The following TRAPPC8 variants were observed in gnomAD, a reference collection of about 807,000 sequenced individuals.
The protein encoded by TRAPPC8 is general sporulation gene 1 homolog.
In TRAPPC8, 54 loss-of-function variants were observed where a neutral mutation model predicts 174.3. The ratio of observed to expected loss-of-function variants is 0.31; its 90% CI spans 0.25 to 0.39. TRAPPC8 has a LOEUF of 0.39. Ranked by LOEUF, TRAPPC8 falls within the 10% of genes least tolerant of loss-of-function variation. The pLI is 1.00. For missense variants in TRAPPC8, 1,531 were observed against 1,699.1 expected, an observed-to-expected ratio of 0.90 and a Z score of 1.74; for synonymous variants, 630 against 579.9, an observed-to-expected ratio of 1.09 and a Z score of -1.24.
chr18:31,889,925 GCA>G (rs2145351004), intron 12 of TRAPPC8, among the ~76,000 whole-genome samples: 1 of 152,232 alleles, frequency 6.6e-6, no homozygotes, highest in South Asian at 2.1e-4. Flanking sequence ...GCTTTGGTTA[GCA>G]CAGACTTAGA....
In TRAPPC8 at chr18:31,942,653, T is replaced by C. The variant is rs776164593; in HGVS notation, c.112A>G (p.Ser38Gly). 3.1e-6 allele frequency: 5 copies of C among 1,611,238 alleles called. No homozygotes were observed. Among genetic ancestry groups the C allele is most frequent in the Non-Finnish European group, 4.2e-6 (5 of 1,178,782 alleles). The change falls in exon 1 of 29, where the codon AGC becomes GGC. Residue 38 changes from serine to glycine, a missense_variant. Ser to Gly is a moderately conservative substitution (Grantham distance 56). Coordinates refer to ENST00000283351, the MANE Select transcript of TRAPPC8 (RefSeq NM_014939.5). ...AERLTRLNHL[S>G]FAELLKPFSR... ...AAGGGCTTAAGCAGCTCCGCGAAGC[T>C]GAGGTGATTGAGACGAGTGAGCCGC... is the stretch of plus-strand genomic sequence containing the variant.
chr18:31,896,715 T>C (rs932479774), intron 11 of TRAPPC8, among the ~76,000 whole-genome samples: 3 of 152,166 alleles, frequency 2.0e-5, no homozygotes, highest in East Asian at 1.9e-4. Flanking sequence ...AACCTCCACC[T>C]TGTGCTCAAG....
At chr18:31,935,359 C>CCAAAA (rs1289122198) in intron 1 of TRAPPC8, among the ~76,000 whole-genome samples, 1 of 2,338 alleles carries the variant, frequency 4.3e-4, no homozygotes, top group Non-Finnish European at 8.7e-4. Context: ...AACAAACAAA[C>CCAAAA]AAACCAAAAA....
Position 31,901,162 on chromosome 18 carries a change from C to T in TRAPPC8, c.1390-137G>A, listed in dbSNP as rs1047628642. 2.8e-5 allele frequency: 18 copies of T among 649,934 alleles called. No homozygotes were observed. In the Admixed American group the frequency reaches 4.5e-4, roughly 16 times the overall value. 40.3% of individuals were successfully genotyped at this position (649,934 alleles called of 1,614,324 possible). A position where few individuals can be genotyped will look rare whatever the true frequency, so the allele number is the denominator to read the frequency against. On this transcript the variant is annotated intron_variant, in intron 9 of 28. Transcript: ENST00000283351. The stretch of plus-strand genomic sequence containing the variant: ...CATGTATAAACTTCATAGCCTAATG[C>T]AGACTTGAAAAACACATTTGTAGCC...
intron 1 of TRAPPC8, 63 bp from the exon 2 acceptor site, chr18:31,931,586 T>A: frequency 7.8e-7 from 1 of 1,283,552 alleles, no homozygotes; most frequent in Non-Finnish European, 1.0e-6. Context: ...AACCCAAAAT[T>A]GGGCTGATGG....
intron 12 of TRAPPC8, among the ~76,000 whole-genome samples, chr18:31,876,196 C>A (rs1389020290): frequency 6.6e-6 from 1 of 151,878 alleles, no homozygotes; most frequent in Non-Finnish European, 1.5e-5. Flanking sequence ...GTATTTTCTT[C>A]AAGATCGCTT....
At chr18:31,919,477 G>C (rs527332281) in intron 2 of TRAPPC8, among the ~76,000 whole-genome samples, 2 of 151,486 alleles carry the variant, frequency 1.3e-5, no homozygotes, top group African/African-American at 4.8e-5. Flanking sequence ...AGGTTGCTGT[G>C]AGCTGAGATG....
intron 9 of TRAPPC8, among the ~76,000 whole-genome samples, chr18:31,905,217 G>C (rs2036607740): frequency 1.3e-5 from 2 of 152,246 alleles, no homozygotes; most frequent in South Asian, 4.2e-4. Flanking sequence ...TAAGGGAAGT[G>C]ATATCAGTTC....
chr18:31,839,509 A>T, intron 26 of TRAPPC8, 52 bp from the exon 27 acceptor site: 1 of 1,482,150 alleles, frequency 6.7e-7, no homozygotes, highest in Admixed American at 2.4e-5. Flanking sequence ...CCTTGTTTAA[A>T]AAAAAAAAAA....
intron 25 of TRAPPC8, among the ~76,000 whole-genome samples, chr18:31,848,850 G>A (rs2033552465): frequency 6.6e-6 from 1 of 152,142 alleles, no homozygotes; most frequent in Non-Finnish European, 1.5e-5. Context: ...TAAGAATTAA[G>A]ACTCCTTTGC....
At chr18:31,880,109 ATATATATATATATTTT>A (rs2035363188) in intron 12 of TRAPPC8, among the ~76,000 whole-genome samples, 1 of 92,878 alleles carries the variant, frequency 1.1e-5, no homozygotes, top group African/African-American at 4.4e-5. Context: ...ATATATATAT[ATATATATATATATTTT>A]TTTTTTTTTA....
rs555032086 is a variant in TRAPPC8 at position 31,836,262 on chromosome 18, C to T, written c.3983+3050G>A. On this transcript the variant is annotated intron_variant, in intron 27 of 28. Coordinates refer to ENST00000283351, the MANE Select transcript of TRAPPC8 (RefSeq NM_014939.5). ...AACATGCAGCCAAGGAGAAAACTGC[C>T]ACATTTTATCCTTGAACCTGCCTTG... is the stretch of plus-strand genomic sequence containing the variant. Among the ~76,000 whole-genome samples, 5 of 152,262 alleles carry T rather than the reference C, an allele frequency of 3.3e-5. No individual in the cohort carries two copies. The South Asian group carries it at 1.0e-3, about 32-fold the overall frequency.
chr18:31,888,867 T>C (rs1006120356), intron 12 of TRAPPC8, among the ~76,000 whole-genome samples: 1 of 152,168 alleles, frequency 6.6e-6, no homozygotes, highest in Non-Finnish European at 1.5e-5. Context: ...TGGCACACGT[T>C]TACCTATGTA....
intron 2 of TRAPPC8, among the ~76,000 whole-genome samples, chr18:31,920,215 C>A (rs1224359327): frequency 6.6e-6 from 1 of 152,118 alleles, no homozygotes; most frequent in Non-Finnish European, 1.5e-5. Context: ...AAACAAATGA[C>A]AGATAAATTA....
At chr18:31,940,784 A>G (rs2038300966) in intron 1 of TRAPPC8, among the ~76,000 whole-genome samples, 1 of 152,066 alleles carries the variant, frequency 6.6e-6, no homozygotes, top group South Asian at 2.1e-4. Flanking sequence ...AGCGTGAGCC[A>G]CCGCGCCCGG....
intron 1 of TRAPPC8, among the ~76,000 whole-genome samples, chr18:31,932,997 CAAAAAAAAA>C (rs35234467): frequency 1.6e-4 from 7 of 42,682 alleles, no homozygotes; most frequent in Non-Finnish European, 7.3e-5. Flanking sequence ...GACTCCGTCT[CAAAAAAAAA>C]AAAAAAAAAA....
At chr18:31,905,297 A>C (rs1422237608) in intron 9 of TRAPPC8, among the ~76,000 whole-genome samples, 1 of 152,202 alleles carries the variant, frequency 6.6e-6, no homozygotes, top group Non-Finnish European at 1.5e-5. Context: ...TTATAAACTT[A>C]TATCCTTCAG....
intron 26 of TRAPPC8, among the ~76,000 whole-genome samples, chr18:31,841,398 T>C (rs2033091536): frequency 6.6e-6 from 1 of 152,076 alleles, no homozygotes; most frequent in East Asian, 1.9e-4. Flanking sequence ...AACCAGAGTA[T>C]ATGAAAGAGA....
chr18:31,875,921 T>C (rs1446143679), intron 12 of TRAPPC8, among the ~76,000 whole-genome samples: 1 of 151,886 alleles, frequency 6.6e-6, no homozygotes, highest in Non-Finnish European at 1.5e-5. Context: ...GGAGAGTGGG[T>C]GATAGAGAAT....
Sources: gnomAD v4.1 joint callset for allele counts (sites outside exome capture counted in the v4.1 genomes callset) on GRCh38, gnomAD v4.1.1 for gene constraint, MANE v1.5 for transcripts, NCBI Gene and HGNC (gene_info 2026-07-23, HGNC 2026-07-21) for gene names.